The following SPAG9 variants were observed in gnomAD, a reference collection of about 807,000 sequenced individuals.
SPAG9 encodes sperm associated antigen 9.
Under a neutral mutation model 166.5 loss-of-function variants are expected in SPAG9, and 35 were observed. The ratio of observed to expected loss-of-function variants is 0.21; its 90% confidence interval spans 0.16 to 0.28. The LOEUF is 0.28. SPAG9 is among the 10% of genes least tolerant of loss of function. The probability of loss-of-function intolerance (pLI) is 1.00; values close to 1 mark genes in which losing one functional copy is unlikely to be tolerated. For synonymous variants in SPAG9, 534 were observed against 565.5 expected (o/e 0.94, Z 0.79); for missense variants, 1,235 against 1,603.3 (o/e 0.77, Z 3.92).
chr17:50,974,849 G>T lies in SPAG9; in HGVS notation c.3622C>A (p.Pro1208Thr). The T allele has an allele frequency of 1.2e-6, 2 of 1,611,918 alleles. No individual in the cohort carries two copies. Among genetic ancestry groups the T allele is most frequent in the Non-Finnish European group, 1.7e-6 (2 of 1,179,538 alleles). ...TGTGCATGTGCCATTGAACAATAGG[G>T]TATAAATGTCCCTGGAGTCACTTTA... Reference protein sequence around the residue: ...SDKVTPGTFIPYCSMAHAQLC... With the variant: ...SDKVTPGTFITYCSMAHAQLC... The change falls in exon 28 of 30, where the codon CCC becomes ACC. Residue 1208 changes from proline (P) to threonine (T), a missense_variant. Physicochemically the swap from Pro to Thr is conservative, Grantham distance 38. Around this residue, in one of 6 missense-constraint regions of SPAG9, gnomAD observed 243 missense variants for 358.6 expected, o/e 0.68. Transcript: ENST00000262013.
chr17:51,008,092 A>G (rs1347339849), intron 9 of SPAG9, among the ~76,000 whole-genome samples: 1 of 152,190 alleles, frequency 6.6e-6, no homozygotes, highest in South Asian at 2.1e-4. Context: ...CTTTCTCACA[A>G]TAAGATTAAC....
At chr17:51,075,622 G>A (rs1220890188) in intron 2 of SPAG9, among the ~76,000 whole-genome samples, 4 of 152,032 alleles carry the variant, frequency 2.6e-5, no homozygotes, top group South Asian at 2.1e-4. Flanking sequence ...CCAGGAGTTC[G>A]AGACCAGCTT....
At chr17:51,013,557 T>G (rs2045577290) in intron 9 of SPAG9, among the ~76,000 whole-genome samples, 1 of 152,164 alleles carries the variant, frequency 6.6e-6, no homozygotes, top group Non-Finnish European at 1.5e-5. Flanking sequence ...TCAGCTGGAT[T>G]TGGCCCATAA....
rs1287052633 is a variant in SPAG9 at position 51,020,255 on chromosome 17, G to C, written c.995C>G (p.Ser332Cys). 1 of 1,606,324 alleles carries C rather than the reference G, an allele frequency of 6.2e-7. No individual in the cohort carries two copies. Among genetic ancestry groups the C allele is most frequent in the South Asian group, 1.1e-5 (1 of 90,840 alleles). The change falls in exon 8 of 30, where the codon TCT (serine) becomes TGT (cysteine). Residue 332 changes from serine (S) to cysteine (C), a missense_variant. Physicochemically the swap from Ser to Cys is moderately radical, Grantham distance 112 (BLOSUM62 -1). Coordinates refer to ENST00000262013, the MANE Select transcript of SPAG9 (RefSeq NM_001130528.3). ...TTCTGACTTTTCTTCATTTTCAGCA[G>C]AGCCTTAAAAAAGGACATGATGAAA... Reference protein sequence around the residue: ...AQETRNVSTGSAENEEKSEVQ... With the variant: ...AQETRNVSTGCAENEEKSEVQ...
chr17:51,088,785 G>A (rs1332344177), intron 1 of SPAG9, among the ~76,000 whole-genome samples: 1 of 151,382 alleles, frequency 6.6e-6, no homozygotes, highest in Non-Finnish European at 1.5e-5. Flanking sequence ...GCAACACAGT[G>A]AGACTCCGTC....
At chr17:51,016,444 G>C (rs1327147577) in intron 8 of SPAG9, among the ~76,000 whole-genome samples, 1 of 152,230 alleles carries the variant, frequency 6.6e-6, no homozygotes, top group African/African-American at 2.4e-5. Flanking sequence ...GGCTGCAGGA[G>C]AGTAAGCCCT....
At chr17:51,076,837 T>C (rs564709091) in intron 2 of SPAG9, among the ~76,000 whole-genome samples, 6 of 152,148 alleles carry the variant, frequency 3.9e-5, no homozygotes, top group Non-Finnish European at 8.8e-5. Context: ...CTGTCAACTG[T>C]GTCTTTAGTG....
intron 6 of SPAG9, among the ~76,000 whole-genome samples, chr17:51,025,046 C>T (rs1661652271): frequency 6.7e-6 from 1 of 149,316 alleles, no homozygotes; most frequent in Non-Finnish European, 1.5e-5. Context: ...TGGCCAGGTG[C>T]AGTGGCTCAC....
chr17:51,046,822 C>A, intron 4 of SPAG9: 7 of 1,532,806 alleles, frequency 4.6e-6, no homozygotes, highest in Non-Finnish European at 4.4e-6. Context: ...CAAGCGATGA[C>A]GTCATTCCGT....
rs545399783 is a variant in SPAG9, at chr17:50,967,317, ACAGAATTTTGTAATGTGCCC to A, written c.3851-950_3851-931del. Among the ~76,000 whole-genome samples the A allele has an allele frequency of 2.4e-3, 366 of 152,370 alleles. 3 individuals carry two copies. Among genetic ancestry groups the A allele is most frequent in the Admixed American group, 6.1e-3 (93 of 15,304 alleles). The stretch of plus-strand genomic sequence containing the variant: ...CCTAAAGATATATTCCACTGATCTA[ACAGAATTTTGTAATGTGCCC>A]CATGTGAATTTCAGCTGGACAAAAG... On this transcript the variant is annotated intron_variant, in intron 29 of 29. Transcript: ENST00000262013.
At chr17:51,090,351 T>A (rs1055957260) in intron 1 of SPAG9, among the ~76,000 whole-genome samples, 1 of 151,890 alleles carries the variant, frequency 6.6e-6, no homozygotes, top group African/African-American at 2.4e-5. Context: ...CAAAACCCCA[T>A]CTCTACTAAA....
intron 1 of SPAG9, among the ~76,000 whole-genome samples, chr17:51,089,164 C>T (rs1425671531): frequency 1.3e-5 from 2 of 151,768 alleles, no homozygotes; most frequent in African/African-American, 4.8e-5. Context: ...TGGCTCATGC[C>T]TGTAATCCTA....
rs1258669736 is a variant in SPAG9 at position 51,006,244 on chromosome 17, A to T, written c.1272-7T>A. ...CACTATGTTCAAAGCATTTCTAAGA[A>T]ACACATATTTCAAGTGCATCATTAC... is the stretch of plus-strand genomic sequence containing the variant. On this transcript the variant is annotated splice_polypyrimidine_tract_variant and splice_region_variant and intron_variant, in intron 10 of 29. Coordinates refer to ENST00000262013, the MANE Select transcript of SPAG9 (RefSeq NM_001130528.3). 1 of 1,612,782 alleles carries T rather than the reference A, an allele frequency of 6.2e-7. No individual in the cohort carries two copies. The highest frequency in any genetic ancestry group is 8.5e-7 in the Non-Finnish European group (1 of 1,179,314).
At position 51,066,302 on chromosome 17, in the gene SPAG9, G is replaced by C. The variant is rs186196523; in HGVS notation, c.425-9820C>G. On this transcript the variant is annotated intron_variant, in intron 2 of 29. Coordinates refer to ENST00000262013, the MANE Select transcript of SPAG9 (RefSeq NM_001130528.3). Reference sequence around the variant, plus strand: ...ATTTTTTGATTTTTTGTAGAGACAAGGTCTCACTATGTTGCCCAGGCTGGT... The same window carrying C: ...ATTTTTTGATTTTTTGTAGAGACAACGTCTCACTATGTTGCCCAGGCTGGT... Among the ~76,000 whole-genome samples the C allele has an allele frequency of 2.8e-3, 418 of 151,942 alleles. 2 individuals are homozygous for C. Among genetic ancestry groups the C allele is most frequent in the African/African-American group, 9.6e-3 (398 of 41,460 alleles).
intron 1 of SPAG9, among the ~76,000 whole-genome samples, chr17:51,118,239 T>A (rs1162071454): frequency 6.6e-6 from 1 of 152,128 alleles, no homozygotes; most frequent in Non-Finnish European, 1.5e-5. Flanking sequence ...TGTTCTCAGG[T>A]CATGACCCTT....
intron 5 of SPAG9, among the ~76,000 whole-genome samples, chr17:51,040,855 T>C (rs192481385): frequency 1.3e-5 from 2 of 152,212 alleles, no homozygotes; most frequent in East Asian, 3.8e-4. Context: ...AAAAGATCTT[T>C]TATAATCAAT....
chr17:50,990,192 T>C, intron 20 of SPAG9: 1 of 516,464 alleles, frequency 1.9e-6, no homozygotes, highest in South Asian at 2.1e-5. Flanking sequence ...CACGCCCGGT[T>C]AATTTTTTGT....
intron 3 of SPAG9, among the ~76,000 whole-genome samples, chr17:51,053,854 A>AAAATATAT (rs1491529465): frequency 2.9e-5 from 1 of 34,450 alleles, no homozygotes; most frequent in East Asian, 1.3e-3. Flanking sequence ...AAAAAAAAAA[A>AAAATATAT]GTATATATAT....
chr17:51,095,502 T>C (rs1420431739), intron 1 of SPAG9, among the ~76,000 whole-genome samples: 2 of 149,920 alleles, frequency 1.3e-5, no homozygotes, highest in East Asian at 4.0e-4. Context: ...AATACAAAAA[T>C]GAGCCAGGCA....
Sources: allele counts gnomAD v4.1 joint callset (sites outside exome capture counted in the v4.1 genomes callset), GRCh38; gene constraint gnomAD v4.1.1; regional missense constraint gnomAD v4.1.1; transcripts MANE v1.5; gene names NCBI Gene and HGNC (gene_info 2026-07-23, HGNC 2026-07-21).